Variants in ARHGEF10 observed in about 807,000 individuals in gnomAD.
ARHGEF10 encodes the protein Rho guanine nucleotide exchange factor 10, also known as Rho guanine nucleotide exchange factor (GEF) 10.
Under a neutral mutation model 147.4 loss-of-function variants are expected in ARHGEF10, and 140 were observed. The observed-to-expected ratio is 0.95, with a 90% CI of 0.83 to 1.09. ARHGEF10 has a LOEUF of 1.09. Among genes scored for constraint, ARHGEF10 ranks in the 50% least tolerant of loss-of-function variants. ARHGEF10 has a pLI of 0.00. For missense variants in ARHGEF10, 2,222 were observed against 1,752.7 expected (o/e 1.27, Z -4.78); for synonymous variants, 902 against 695.8 (o/e 1.30, Z -4.67).
intron 2 of ARHGEF10, among the ~76,000 whole-genome samples, chr8:1,844,788 C>T (rs531898862): frequency 6.6e-5 from 10 of 152,152 alleles, no homozygotes; most frequent in East Asian, 1.9e-4. Flanking sequence ...AAAATGAGGT[C>T]GGGCACCTCA....
intron 25 of ARHGEF10, among the ~76,000 whole-genome samples, chr8:1,933,220 T>TA (rs1212672814): frequency 2.0e-5 from 3 of 152,214 alleles, no homozygotes; most frequent in African/African-American, 7.2e-5. Flanking sequence ...TCTGTGAAGA[T>TA]ATGGCCTCTC....
At chr8:1,887,740 G>C (rs561636722) in intron 11 of ARHGEF10, among the ~76,000 whole-genome samples, 2 of 140,574 alleles carry the variant, frequency 1.4e-5, no homozygotes, top group African/African-American at 2.7e-5. Context: ...GATGGGATGA[G>C]GGTTTTGAGG....
Position 1,957,221 on chromosome 8 carries a change from G to C in ARHGEF10, c.3993G>C (p.Ala1331=). 1 of 1,611,840 alleles carries C rather than the reference G, an allele frequency of 6.2e-7. No homozygotes were observed. The highest frequency in any genetic ancestry group is 8.5e-7 in the Non-Finnish European group (1 of 1,179,892). ...KARQPHQEEL[A]PTVMVWQIPL... Reference sequence around the variant, plus strand: ...GGCAGCCCCACCAGGAAGAGCTGGCGCCGACCGTCATGGTCTGGCAGATCC... The same window carrying C: ...GGCAGCCCCACCAGGAAGAGCTGGCCCCGACCGTCATGGTCTGGCAGATCC... Residue 1331 remains alanine (A), a synonymous_variant, in exon 29 of 29, where the codon GCG becomes GCC. Transcript: ENST00000349830.
At position 1,926,436 on chromosome 8, in the gene ARHGEF10, A is replaced by G. The variant is rs1190748734; in HGVS notation, c.2670A>G (p.Ser890=). 1 of 1,614,140 alleles carries G rather than the reference A, an allele frequency of 6.2e-7. No homozygotes were observed. The highest frequency in any genetic ancestry group is 2.2e-5 in the East Asian group (1 of 44,870). Residue 890 remains serine, a synonymous_variant, in exon 23 of 29, where the codon TCA becomes TCG. Transcript: ENST00000349830. ...TAAATAATGAAAGCCAGCCAGATTC[A>G]TTTTCCACGGCACATGGTTTCCTGT... ...PYLNNESQPD[S]FSTAHGFLWI...
intron 18 of ARHGEF10, among the ~76,000 whole-genome samples, chr8:1,917,716 G>A (rs956557079): frequency 6.6e-6 from 1 of 152,162 alleles, no homozygotes; most frequent in Non-Finnish European, 1.5e-5. Flanking sequence ...CAGCTAGAGG[G>A]CTGGAAGTCA....
At chr8:1,944,457 G>A (rs1436017664) in intron 26 of ARHGEF10, among the ~76,000 whole-genome samples, 2 of 152,222 alleles carry the variant, frequency 1.3e-5, no homozygotes, top group Admixed American at 6.5e-5. Flanking sequence ...CCTGCCCGCC[G>A]GGTTCACTGG....
At chr8:1,873,457 T>G (rs1412748956) in intron 7 of ARHGEF10, among the ~76,000 whole-genome samples, 1 of 150,834 alleles carries the variant, frequency 6.6e-6, no homozygotes, top group African/African-American at 2.5e-5. Context: ...TGCACCCGCA[T>G]TTCCTCGTTG....
At chr8:1,901,243 T>G (rs1810431346) in intron 15 of ARHGEF10, among the ~76,000 whole-genome samples, 1 of 152,108 alleles carries the variant, frequency 6.6e-6, no homozygotes, top group Non-Finnish European at 1.5e-5. Context: ...GTAGTCCGTG[T>G]GCTGAGTGTA....
chr8:1,956,854 C>G lies in ARHGEF10; in HGVS notation c.3626C>G (p.Ala1209Gly), dbSNP rs767335939. 1.9e-6 allele frequency: 3 copies of G among 1,614,086 alleles called. No homozygotes were observed. Among genetic ancestry groups the G allele is most frequent in the South Asian group, 1.1e-5 (1 of 91,086 alleles). ...KDKDKSRDSL[A>G]PGPEPQDEDQ... is the part of the protein sequence containing the mutation. ...AAGGACAAATCCAGGGACAGCCTGG[C>G]TCCTGGCCCCGAGCCTCAGGACGAA... Residue 1209 changes from alanine to glycine, a missense_variant, in exon 29 of 29, where the codon GCT becomes GGT. Physicochemically the swap from Ala to Gly is moderately conservative, Grantham distance 60. Transcript: ENST00000349830.
At chr8:1,938,504 A>C (rs1467126417) in intron 26 of ARHGEF10, among the ~76,000 whole-genome samples, 2 of 152,232 alleles carry the variant, frequency 1.3e-5, no homozygotes, top group Admixed American at 6.5e-5. Context: ...CACTGAAGGG[A>C]AAAACAATGA....
chr8:1,909,835 A>G (rs567442683), intron 18 of ARHGEF10, among the ~76,000 whole-genome samples: 1 of 152,244 alleles, frequency 6.6e-6, no homozygotes, highest in South Asian at 2.1e-4. Flanking sequence ...GCAGGAAGTC[A>G]TAGAGCTTGA....
At chr8:1,829,083 C>G (rs946007476) in intron 1 of ARHGEF10, among the ~76,000 whole-genome samples, 1 of 152,234 alleles carries the variant, frequency 6.6e-6, no homozygotes, top group East Asian at 1.9e-4. Context: ...TCCAGCACAC[C>G]TGGGGGGCGG....
intron 16 of ARHGEF10, 184 bp downstream of exon 16, chr8:1,903,635 C>T (rs548556006): frequency 2.3e-5 from 16 of 687,476 alleles, no homozygotes; most frequent in Non-Finnish European, 3.7e-5. Context: ...GTATGTAAAA[C>T]CTTAACAGCC....
chr8:1,878,042 T>G (rs1807854660), intron 8 of ARHGEF10, among the ~76,000 whole-genome samples: 1 of 152,130 alleles, frequency 6.6e-6, no homozygotes, highest in African/African-American at 2.4e-5. Flanking sequence ...ACCTGGCTCG[T>G]GAAACTCAAG....
intron 3 of ARHGEF10, among the ~76,000 whole-genome samples, chr8:1,859,625 C>T (rs968504036): frequency 2.0e-5 from 3 of 151,790 alleles, no homozygotes; most frequent in Non-Finnish European, 4.4e-5. Context: ...GAGCAGCTGC[C>T]CTCCTCCGGC....
intron 5 of ARHGEF10, among the ~76,000 whole-genome samples, chr8:1,865,515 T>G (rs1464818106): frequency 7.3e-6 from 1 of 137,462 alleles, no homozygotes; most frequent in African/African-American, 2.8e-5. Flanking sequence ...CCAGCACCCA[T>G]GAGGCCGTCA....
rs988402793 is a variant in ARHGEF10 at position 1,957,782 on chromosome 8, C to G, written c.*519C>G. ...GTTAACAATTTTAAAAGCCAGGTAA[C>G]ACCTACCAGTCCAGTTAGCATGATT... On this transcript the variant is annotated 3_prime_UTR_variant, in exon 29 of 29. Coordinates refer to ENST00000349830, the MANE Select transcript of ARHGEF10 (RefSeq NM_014629.4). 6.2e-6 allele frequency: 1 copy of G among 161,448 alleles called. No homozygotes were observed. The highest frequency in any genetic ancestry group is 2.4e-5 in the African/African-American group (1 of 41,500). 10.0% of individuals were successfully genotyped at this position (161,448 alleles called of 1,614,324 possible). A position where few individuals can be genotyped will look rare whatever the true frequency, so the allele number is the denominator to read the frequency against.
intron 24 of ARHGEF10, among the ~76,000 whole-genome samples, chr8:1,928,893 G>C (rs1812894028): frequency 2.0e-5 from 3 of 152,170 alleles, no homozygotes; most frequent in Admixed American, 2.0e-4. Flanking sequence ...GGACAGTTTG[G>C]CTGTTTGCCA....
At chr8:1,853,346 C>T (rs2129063988) in intron 2 of ARHGEF10, among the ~76,000 whole-genome samples, 1 of 152,342 alleles carries the variant, frequency 6.6e-6, no homozygotes, top group South Asian at 2.1e-4. Flanking sequence ...GGGCGGAGAA[C>T]ACTGGGCCAT....
Sources: allele counts gnomAD v4.1 joint callset (sites outside exome capture counted in the v4.1 genomes callset), GRCh38; gene constraint gnomAD v4.1.1; transcripts MANE v1.5; gene names NCBI Gene and HGNC (gene_info 2026-07-23, HGNC 2026-07-21).